The following C6orf163 variants were observed in gnomAD, a reference collection of about 807,000 sequenced individuals.
C6orf163 encodes the protein uncharacterized protein C6orf163.
A neutral mutation model predicts 28.4 loss-of-function variants in C6orf163; 22 were observed. That is an observed-to-expected ratio of 0.78 (90% confidence interval 0.55 to 1.11). The LOEUF (loss-of-function observed/expected upper bound fraction) is 1.11. C6orf163 is among the 50% of genes least tolerant of loss of function. C6orf163 has a pLI of 0.00. For missense variants in C6orf163, 342 were observed against 389.1 expected (o/e 0.88, Z 1.02); for synonymous variants, 110 against 123.6 (o/e 0.89, Z 0.73).
At position 87,359,992 on chromosome 6, in the gene C6orf163, C is replaced by T. The variant is rs557320879; in HGVS notation, c.554+3489C>T. Among the ~76,000 whole-genome samples the T allele has an allele frequency of 4.6e-5, 7 of 152,304 alleles. No homozygotes were observed. In the South Asian group the frequency reaches 6.2e-4, roughly 14 times the overall value. ...CTTCTGCCAGATGCCAGCCAGTCAT[C>T]GGTGAGCCTCCTTGATGTCACTGGT... On this transcript the variant is annotated intron_variant, in intron 4 of 4. Coordinates refer to ENST00000388923, the MANE Select transcript of C6orf163 (RefSeq NM_001010868.3).
intron 1 of C6orf163, chr6:87,347,999 TA>T (rs1777353944): frequency 1.7e-6 from 1 of 574,640 alleles, no homozygotes; most frequent in South Asian, 7.6e-5. Flanking sequence ...CTACTAAAAA[TA>T]CAAAAATTAG....
intron 4 of C6orf163, among the ~76,000 whole-genome samples, chr6:87,359,444 GCAGTC>G (rs1321989222): frequency 6.6e-6 from 1 of 152,226 alleles, no homozygotes; most frequent in Non-Finnish European, 1.5e-5. Context: ...TGAAATGCCT[GCAGTC>G]TCCTGCCAGA....
chr6:87,360,519 C>T (rs191623220), intron 4 of C6orf163, among the ~76,000 whole-genome samples: 1 of 145,652 alleles, frequency 6.9e-6, no homozygotes, highest in Non-Finnish European at 1.5e-5. Flanking sequence ...GCCTCAGCCT[C>T]CCAGGTAGCT....
chr6:87,347,240 C>T, intron 1 of C6orf163: 1 of 205,258 alleles, frequency 4.9e-6, no homozygotes, highest in Non-Finnish European at 8.6e-6. Context: ...TTGAGATTGG[C>T]TTTCTTCACT....
intron 3 of C6orf163, among the ~76,000 whole-genome samples, chr6:87,354,353 C>A (rs1221498080): frequency 2.0e-5 from 3 of 152,190 alleles, no homozygotes. Context: ...GCAAAGTAAT[C>A]TGGAGTCATT....
intron 3 of C6orf163, among the ~76,000 whole-genome samples, chr6:87,352,015 AC>A (rs1199832544): frequency 2.0e-5 from 3 of 152,142 alleles, no homozygotes; most frequent in African/African-American, 7.2e-5. Context: ...ATTGTACCCC[AC>A]GCAGCCTTTG....
chr6:87,357,427 TAACA>T (rs1405962913), intron 4 of C6orf163: 1 of 152,182 alleles, frequency 6.6e-6, no homozygotes, highest in African/African-American at 2.4e-5. Flanking sequence ...CTGCTTGAGT[TAACA>T]AACAGATACA....
At chr6:87,351,136 C>G (rs1777405608) in intron 3 of C6orf163, among the ~76,000 whole-genome samples, 1 of 152,212 alleles carries the variant, frequency 6.6e-6, no homozygotes, top group Non-Finnish European at 1.5e-5. Flanking sequence ...TACAAACTTT[C>G]AGGTGGAGAC....
At position 87,356,511 on chromosome 6, in the gene C6orf163, A is replaced by G. The variant is rs1319598150; in HGVS notation, c.554+8A>G. 6.4e-7 allele frequency: 1 copy of G among 1,550,550 alleles called. No homozygotes were observed. The highest frequency in any genetic ancestry group is 8.7e-7 in the Non-Finnish European group (1 of 1,146,420). Reference sequence around the variant, plus strand: ...AATCCAGGCCCAGAAAAGGTATTCCAGAGAACTCATTTACAAATTAGTAAC... The same window carrying G: ...AATCCAGGCCCAGAAAAGGTATTCCGGAGAACTCATTTACAAATTAGTAAC... On this transcript the variant is annotated splice_region_variant and intron_variant, in intron 4 of 4. Coordinates refer to ENST00000388923, the MANE Select transcript of C6orf163 (RefSeq NM_001010868.3).
chr6:87,360,043 C>G (rs1777559284), intron 4 of C6orf163, among the ~76,000 whole-genome samples: 1 of 152,194 alleles, frequency 6.6e-6, no homozygotes, highest in Non-Finnish European at 1.5e-5. Context: ...AAATGCTGAA[C>G]AACCTCTACT....
At position 87,365,098 on chromosome 6, in the gene C6orf163, A is replaced by C; in HGVS notation, c.692A>C (p.Glu231Ala). Reference sequence around the variant, plus strand: ...ATAGCTCAGAGGCAGAGGCAAGAAGAGGTACAGGAAGTGCTTCAAGAAGCA... The same window carrying C: ...ATAGCTCAGAGGCAGAGGCAAGAAGCGGTACAGGAAGTGCTTCAAGAAGCA... ...YGIAQRQRQE[E>A]VQEVLQEAEK... is the part of the protein sequence containing the mutation. Residue 231 changes from glutamate to alanine, a missense_variant, in exon 5 of 5, where the codon GAG (glutamate) becomes GCG (alanine). Coordinates refer to ENST00000388923, the MANE Select transcript of C6orf163 (RefSeq NM_001010868.3). 6.4e-7 allele frequency: 1 copy of C among 1,552,028 alleles called. No individual in the cohort carries two copies. The highest frequency in any genetic ancestry group is 8.7e-7 in the Non-Finnish European group (1 of 1,147,082).
At chr6:87,360,635 A>C (rs2127935123) in intron 4 of C6orf163, among the ~76,000 whole-genome samples, 1 of 152,262 alleles carries the variant, frequency 6.6e-6, no homozygotes, top group South Asian at 2.1e-4. Context: ...TCCTGACTTC[A>C]AGTGATCCAC....
intron 4 of C6orf163, among the ~76,000 whole-genome samples, chr6:87,358,851 G>A (rs1401230191): frequency 6.6e-6 from 1 of 152,152 alleles, no homozygotes; most frequent in Non-Finnish European, 1.5e-5. Context: ...AGGCCTTAAA[G>A]GGAAACTAAG....
intron 3 of C6orf163, among the ~76,000 whole-genome samples, chr6:87,353,131 C>T (rs144723796): frequency 6.6e-6 from 1 of 152,198 alleles, no homozygotes; most frequent in African/African-American, 2.4e-5. Context: ...TTTATTAAAT[C>T]ATTACATAAA....
At position 87,350,381 on chromosome 6, in the gene C6orf163, CTT is replaced by C. The variant is rs1777393522; in HGVS notation, c.244-11_244-10del. On this transcript the variant is annotated splice_polypyrimidine_tract_variant and intron_variant, in intron 2 of 4. Coordinates refer to ENST00000388923, the MANE Select transcript of C6orf163 (RefSeq NM_001010868.3). ...TGATACATTAATAGATAAATGGACTCTTTCTTTCAAAGGCTAATGAACGTCAA... is the reference window on the plus strand; with the variant it reads ...TGATACATTAATAGATAAATGGACTCTCTTTCAAAGGCTAATGAACGTCAA... The C allele has an allele frequency of 8.7e-6, 13 of 1,487,750 alleles. No homozygotes were observed. The East Asian group carries it at 2.7e-4, about 31-fold the overall frequency. The allele number at this position is 1,487,750 out of a possible 1,614,324, so 92.2% of individuals were successfully genotyped here.
At position 87,364,952 on chromosome 6, in the gene C6orf163, C is replaced by G; in HGVS notation, c.555-9C>G. The G allele has an allele frequency of 6.6e-7, 1 of 1,526,562 alleles. No individual in the cohort carries two copies. Among genetic ancestry groups the G allele is most frequent in the Middle Eastern group, 1.7e-4 (1 of 5,850 alleles). The allele number at this position is 1,526,562 out of a possible 1,614,324, so 94.6% of individuals were successfully genotyped here. Reference sequence around the variant, plus strand: ...CATCTAAATTATAAATCCATATTATCTTTTGTAGCAAAGCCGTGGAGGAAA... The same window carrying G: ...CATCTAAATTATAAATCCATATTATGTTTTGTAGCAAAGCCGTGGAGGAAA... On this transcript the variant is annotated splice_polypyrimidine_tract_variant and intron_variant, in intron 4 of 4. Coordinates refer to ENST00000388923, the MANE Select transcript of C6orf163 (RefSeq NM_001010868.3).
At position 87,363,494 on chromosome 6, in the gene C6orf163, C is replaced by T. The variant is rs537944904; in HGVS notation, c.555-1467C>T. 2.6e-4 allele frequency among the ~76,000 whole-genome samples: 40 copies of T among 151,972 alleles called. 2 individuals are homozygous for T. In the East Asian group the frequency reaches 6.0e-3, roughly 23 times the overall value. On this transcript the variant is annotated intron_variant, in intron 4 of 4. Transcript: ENST00000388923. The stretch of plus-strand genomic sequence containing the variant: ...TATATCTCCTAAAGCTATCCCTCCC[C>T]GCTCCCCCCACCCCACAACAGTCCC...
intron 4 of C6orf163, among the ~76,000 whole-genome samples, chr6:87,362,560 TC>T (rs1173267126): frequency 6.6e-6 from 1 of 152,206 alleles, no homozygotes; most frequent in Non-Finnish European, 1.5e-5. Context: ...TCACCACAGT[TC>T]CTGCAATACA....
At position 87,356,287 on chromosome 6, in the gene C6orf163, T is replaced by G. The variant is rs1777500159; in HGVS notation, c.352-14T>G. 1 of 1,549,480 alleles carries G rather than the reference T, an allele frequency of 6.5e-7. No homozygotes were observed. Among genetic ancestry groups the G allele is most frequent in the African/African-American group, 1.4e-5 (1 of 73,028 alleles). ...AGTCTGTAATAGCTAAACCTAGTTT[T>G]GCCATTGCTTCAGGAAGTGACAGCT... On this transcript the variant is annotated splice_polypyrimidine_tract_variant and intron_variant, in intron 3 of 4. Transcript: ENST00000388923.
Sources: allele counts gnomAD v4.1 joint callset (sites outside exome capture counted in the v4.1 genomes callset), GRCh38; gene constraint gnomAD v4.1.1; transcripts MANE v1.5; gene names NCBI Gene and HGNC (gene_info 2026-07-23, HGNC 2026-07-21).